VPS13C: variants seen among roughly 807,000 people sequenced by gnomAD.
VPS13C encodes intermembrane lipid transfer protein VPS13C.
Under a neutral mutation model 456.8 loss-of-function variants are expected in VPS13C, and 358 were observed. The observed-to-expected ratio is 0.78, with a 90% CI of 0.72 to 0.86. The LOEUF (loss-of-function observed/expected upper bound fraction) is 0.86, where lower values mean the gene tolerates loss of function less well. Among genes scored for constraint, VPS13C ranks in the 40% least tolerant of loss-of-function variants. The pLI, the probability that VPS13C is intolerant of heterozygous loss-of-function variation, is 0.00. For missense variants in VPS13C, 4,818 were observed against 4,385.4 expected (o/e 1.10, Z -2.79); for synonymous variants, 1,578 against 1,486.7 (o/e 1.06, Z -1.41).
intron 47 of VPS13C, among the ~76,000 whole-genome samples, 182 bp from the exon 48 acceptor site, chr15:61,936,932 C>A (rs887648457): frequency 1.3e-5 from 2 of 152,208 alleles, no homozygotes; most frequent in African/African-American, 4.8e-5. Context: ...TGCACACACA[C>A]TTCTGCCTTC....
intron 34 of VPS13C, 135 bp from the exon 35 acceptor site, chr15:61,962,028 C>A (rs1304540356): frequency 6.0e-6 from 6 of 1,004,132 alleles, no homozygotes; most frequent in South Asian, 3.6e-5. Context: ...ATTTTTCTAG[C>A]AGTATTAAGA....
Position 61,984,947 on chromosome 15 carries a change from C to G in VPS13C, c.1631G>C (p.Arg544Thr). Reference sequence around the variant, plus strand: ...TATTTCTGGAATATTCTTGTTTTCTCTTATCGTAACAGAGGTGCTTACTAA... The same window carrying G: ...TATTTCTGGAATATTCTTGTTTTCTGTTATCGTAACAGAGGTGCTTACTAA... ...LKLVSTSVTI[R>T]ENKNIPEILK... is the part of the protein sequence containing the mutation. The change falls in exon 19 of 85, where the codon AGA becomes ACA. Residue 544 changes from arginine (R) to threonine (T), a missense_variant. By Grantham distance (71) the Arg-to-Thr change is moderately conservative. Transcript: ENST00000644861. 1 of 1,610,722 alleles carries G rather than the reference C, an allele frequency of 6.2e-7. No individual in the cohort carries two copies. Among genetic ancestry groups the G allele is most frequent in the Non-Finnish European group, 8.5e-7 (1 of 1,178,838 alleles).
At chr15:61,892,862 G>C (rs1351265462) in intron 66 of VPS13C, among the ~76,000 whole-genome samples, 3 of 152,196 alleles carry the variant, frequency 2.0e-5, no homozygotes, top group Non-Finnish European at 2.9e-5. Context: ...AAATGTATTA[G>C]AGGCTCTCAA....
At chr15:61,981,943 T>A (rs543503527) in intron 21 of VPS13C, among the ~76,000 whole-genome samples, 1 of 152,220 alleles carries the variant, frequency 6.6e-6, no homozygotes, top group Non-Finnish European at 1.5e-5. Flanking sequence ...AATTAGATTC[T>A]CAATTCAGCA....
At chr15:61,960,630 G>C (rs1350311834) in intron 35 of VPS13C, among the ~76,000 whole-genome samples, 1 of 152,086 alleles carries the variant, frequency 6.6e-6, no homozygotes, top group Admixed American at 6.6e-5. Context: ...AGCAAAAAAT[G>C]TTTTAAATAA....
rs2113933 is a variant in VPS13C at position 61,946,149 on chromosome 15, C to T, written c.4980+158G>A. On this transcript the variant is annotated intron_variant, in intron 44 of 84. Transcript: ENST00000644861. ...TGTGTATCAAGAGGCCTAGTCTATA[C>T]ACAATGTGAAAGCAGACTATTACCG... Among the ~76,000 whole-genome samples, 65,302 of 151,916 alleles carry T rather than the reference C, an allele frequency of 0.43. 14,158 individuals are homozygous for T. Among genetic ancestry groups the T allele is most frequent in the Middle Eastern group, 0.62 (183 of 294 alleles).
chr15:61,994,874 C>T (rs2046333021), intron 16 of VPS13C, among the ~76,000 whole-genome samples: 2 of 152,282 alleles, frequency 1.3e-5, no homozygotes, highest in East Asian at 1.9e-4. Flanking sequence ...AGGAGTGGGC[C>T]ATCACATCGG....
intron 79 of VPS13C, 142 bp downstream of exon 79, chr15:61,871,847 C>A: frequency 1.5e-6 from 1 of 673,472 alleles, no homozygotes; most frequent in Non-Finnish European, 2.4e-6. Context: ...AAAATACATT[C>A]ATTGAGCAAC....
intron 37 of VPS13C, among the ~76,000 whole-genome samples, chr15:61,958,251 T>C (rs1169632522): frequency 1.3e-5 from 2 of 152,064 alleles, no homozygotes; most frequent in African/African-American, 4.8e-5. Context: ...CAAGCCTTAT[T>C]GAAAAATCAG....
At chr15:62,017,911 T>C (rs1321203950) in intron 9 of VPS13C, among the ~76,000 whole-genome samples, 3 of 152,166 alleles carry the variant, frequency 2.0e-5, no homozygotes, top group African/African-American at 4.8e-5. Flanking sequence ...ATTCTTCCTA[T>C]CCATGAGCAT....
chr15:61,907,375 T>C lies in VPS13C; in HGVS notation c.8994A>G (p.Glu2998=), dbSNP rs1246745377. Residue 2998 remains glutamate, a synonymous_variant, in exon 66 of 85, where the codon GAA becomes GAG. Transcript: ENST00000644861. ...LTYKQSGSPE[E]MVLLPRQARL... ...GAGCCTGTCTTGGCAGCAAGACCAT[T>C]TCTTCTGGTGACCCACTAAAACACA... 6.2e-7 allele frequency: 1 copy of C among 1,613,890 alleles called. No individual in the cohort carries two copies. Among genetic ancestry groups the C allele is most frequent in the South Asian group, 1.1e-5 (1 of 91,062 alleles).
intron 1 of VPS13C, among the ~76,000 whole-genome samples, chr15:62,049,884 C>A (rs1007512411): frequency 6.6e-6 from 1 of 152,026 alleles, no homozygotes; most frequent in Non-Finnish European, 1.5e-5. Context: ...GGAGTTCACT[C>A]ATGATTTGGC....
At chr15:62,012,903 G>A (rs2047096637) in intron 11 of VPS13C, 136 bp downstream of exon 11, 1 of 526,578 alleles carries the variant, frequency 1.9e-6, no homozygotes, top group South Asian at 4.1e-5. Context: ...TTGAAAGGAT[G>A]TTTTTCATAT....
At chr15:61,973,314 C>T in intron 26 of VPS13C, 140 bp downstream of exon 26, 1 of 636,636 alleles carries the variant, frequency 1.6e-6, no homozygotes, top group Admixed American at 2.9e-5. Context: ...CTCAGAGTCA[C>T]ACTAATGTAG....
At chr15:61,990,491 T>C (rs890411575) in intron 18 of VPS13C, among the ~76,000 whole-genome samples, 5 of 152,166 alleles carry the variant, frequency 3.3e-5, no homozygotes, top group Non-Finnish European at 7.3e-5. Context: ...GTCAGGTTAT[T>C]CTTATGTTCA....
chr15:61,873,079 G>C lies in VPS13C; in HGVS notation c.10578+167C>G, dbSNP rs144345302. On this transcript the variant is annotated intron_variant, in intron 78 of 84. Transcript: ENST00000644861. ...CAATTCAGGGGATAGATCTGGTGGTGACAATGGGGAAGGGGAGCAAAAAGG... is the reference window on the plus strand; with the variant it reads ...CAATTCAGGGGATAGATCTGGTGGTCACAATGGGGAAGGGGAGCAAAAAGG... Among the ~76,000 whole-genome samples, 10 of 152,044 alleles carry C rather than the reference G, an allele frequency of 6.6e-5. No homozygotes were observed. The East Asian group carries it at 1.9e-3, about 29-fold the overall frequency.
intron 6 of VPS13C, among the ~76,000 whole-genome samples, chr15:62,027,439 C>G (rs987223119): frequency 6.6e-6 from 1 of 152,072 alleles, no homozygotes; most frequent in Admixed American, 6.6e-5. Flanking sequence ...GGCACACTTA[C>G]GGAAGGAGTA....
chr15:62,010,680 T>A, intron 12 of VPS13C, 81 bp from the exon 13 acceptor site: 5 of 1,334,078 alleles, frequency 3.7e-6, no homozygotes, highest in Non-Finnish European at 4.9e-6. Context: ...AGAACACTGT[T>A]ACTCTAGAAG....
At chr15:61,939,220 T>G (rs2044331664) in intron 47 of VPS13C, among the ~76,000 whole-genome samples, 1 of 152,200 alleles carries the variant, frequency 6.6e-6, no homozygotes, top group Admixed American at 6.5e-5. Flanking sequence ...GGATCTAATC[T>G]TTGAAAGGGA....
Sources: gnomAD v4.1 joint callset for allele counts (sites outside exome capture counted in the v4.1 genomes callset) on GRCh38, gnomAD v4.1.1 for gene constraint, MANE v1.5 for transcripts, NCBI Gene and HGNC (gene_info 2026-07-23, HGNC 2026-07-21) for gene names.